The following GALNT10 variants were observed in gnomAD, a reference collection of about 807,000 sequenced individuals.
GALNT10 encodes the protein GalNAc transferase 10.
A neutral mutation model predicts 75.0 loss-of-function variants in GALNT10; 41 were observed. That is an observed-to-expected ratio of 0.55 (90% CI 0.43 to 0.71). The LOEUF is 0.71. GALNT10 is among the 30% of genes least tolerant of loss of function. The pLI, the probability that GALNT10 is intolerant of heterozygous loss-of-function variation, is 0.00. For synonymous variants in GALNT10, 302 were observed against 313.0 expected, an observed-to-expected ratio of 0.96 and a Z score of 0.37; for missense variants, 727 against 818.5, an observed-to-expected ratio of 0.89 and a Z score of 1.36.
Position 154,417,154 on chromosome 5 carries a change from G to T in GALNT10, c.*182G>T. On this transcript the variant is annotated 3_prime_UTR_variant, in exon 12 of 12. Transcript: ENST00000297107. ...CTGGTCCTTGAGCCCCTGAGTTGTG[G>T]GGGTAGGGTGAAGAGCATATCCCAC... 1.7e-6 allele frequency: 1 copy of T among 602,734 alleles called. No homozygotes were observed. The highest frequency in any genetic ancestry group is 2.9e-6 in the Non-Finnish European group (1 of 339,906). The allele number at this position is 602,734 out of a possible 1,614,324, so 37.3% of individuals were successfully genotyped here.
chr5:154,381,762 G>A (rs1440281405), intron 6 of GALNT10, among the ~76,000 whole-genome samples: 3 of 152,308 alleles, frequency 2.0e-5, no homozygotes, highest in East Asian at 3.9e-4. Flanking sequence ...AAGCCAGAAG[G>A]ATAGAATCTT....
chr5:154,321,071 T>C (rs1385489839), intron 3 of GALNT10, among the ~76,000 whole-genome samples: 1 of 152,212 alleles, frequency 6.6e-6, no homozygotes, highest in Non-Finnish European at 1.5e-5. Flanking sequence ...GAAAGAATTA[T>C]ACAGCGAACA....
In GALNT10 at chr5:154,341,523, A is replaced by G. The variant is rs1036631055; in HGVS notation, c.568+11785A>G. On this transcript the variant is annotated intron_variant, in intron 4 of 11. Coordinates refer to ENST00000297107, the MANE Select transcript of GALNT10 (RefSeq NM_198321.4). ...TCTCAGAAATTGTCTTTTTTTTCCT[A>G]TATGCTGTCAGAACATATGGTTTAG... 6.6e-5 allele frequency among the ~76,000 whole-genome samples: 10 copies of G among 152,032 alleles called. 1 individual carries two copies. The highest frequency in any genetic ancestry group is 2.0e-4 in the Admixed American group (3 of 15,262).
chr5:154,273,783 C>T (rs1368453320), intron 1 of GALNT10, among the ~76,000 whole-genome samples: 3 of 152,190 alleles, frequency 2.0e-5, no homozygotes, highest in South Asian at 2.1e-4. Context: ...TTAAAAATGC[C>T]GTGAAGGAGT....
intron 3 of GALNT10, among the ~76,000 whole-genome samples, chr5:154,303,126 C>A (rs186797906): frequency 6.6e-6 from 1 of 152,164 alleles, no homozygotes; most frequent in African/African-American, 2.4e-5. Context: ...AAAAAAAAGG[C>A]CAGGCAAAAT....
intron 1 of GALNT10, among the ~76,000 whole-genome samples, chr5:154,251,942 G>T (rs187931422): frequency 3.8e-5 from 4 of 106,316 alleles, no homozygotes; most frequent in African/African-American, 1.2e-4. Context: ...AAAATACCCT[G>T]TGAGTTCATA....
intron 1 of GALNT10, among the ~76,000 whole-genome samples, chr5:154,222,783 A>G (rs1753004155): frequency 6.6e-6 from 1 of 152,132 alleles, no homozygotes; most frequent in African/African-American, 2.4e-5. Flanking sequence ...ATCTTTTGCC[A>G]TTTTTTAATT....
chr5:154,397,438 CT>C (rs1311378999), intron 7 of GALNT10, among the ~76,000 whole-genome samples: 1 of 152,184 alleles, frequency 6.6e-6, no homozygotes, highest in East Asian at 1.9e-4. Flanking sequence ...CTCTGAGCTT[CT>C]ACATTACCTC....
chr5:154,256,343 TGTTG>T lies in GALNT10; in HGVS notation c.160-38472_160-38469del, dbSNP rs765761943. The stretch of plus-strand genomic sequence containing the variant: ...ACTTTCTGGATTTTTAAACAGAGGC[TGTTG>T]TTTTTGTTTTTTTTTTTTTAATATT... On this transcript the variant is annotated intron_variant, in intron 1 of 11. Coordinates refer to ENST00000297107, the MANE Select transcript of GALNT10 (RefSeq NM_198321.4). 2.2e-4 allele frequency among the ~76,000 whole-genome samples: 18 copies of T among 80,252 alleles called. No individual in the cohort carries two copies. In the East Asian group the frequency reaches 0.013, roughly 59 times the overall value. The allele number at this position is 80,252 out of a possible 152,430, so 52.6% of individuals were successfully genotyped here. A position where few individuals can be genotyped will look rare whatever the true frequency, so the allele number is the denominator to read the frequency against.
intron 1 of GALNT10, among the ~76,000 whole-genome samples, chr5:154,270,124 C>A (rs1302277467): frequency 6.6e-6 from 1 of 151,858 alleles, no homozygotes; most frequent in African/African-American, 2.4e-5. Flanking sequence ...TGTGACTATA[C>A]TTGATAAATG....
At chr5:154,293,140 A>T (rs1271785313) in intron 1 of GALNT10, among the ~76,000 whole-genome samples, 1 of 152,222 alleles carries the variant, frequency 6.6e-6, no homozygotes, top group African/African-American at 2.4e-5. Context: ...TAACACAGGG[A>T]TCAGCCAGAG....
chr5:154,287,913 TGA>T (rs10617417), intron 1 of GALNT10, among the ~76,000 whole-genome samples: 26,282 of 147,568 alleles, frequency 0.18, 2,419 homozygotes, highest in African/African-American at 0.22. Context: ...TGTGTGTGTG[TGA>T]GAGAGAGAGA....
rs944054513 is a variant in GALNT10, at chr5:154,218,185, T to G, written c.159+27160T>G. 6.2e-6 allele frequency: 6 copies of G among 962,504 alleles called. No individual in the cohort carries two copies. In the African/African-American group the frequency reaches 1.1e-4, roughly 17 times the overall value. 59.6% of individuals were successfully genotyped at this position (962,504 alleles called of 1,614,324 possible). A position where few individuals can be genotyped will look rare whatever the true frequency, so the allele number is the denominator to read the frequency against. Reference sequence around the variant, plus strand: ...CATTTTCTAACAAGCCTGGGGCACCTCCTCCCTCCCCACCTCATGGGTCCC... The same window carrying G: ...CATTTTCTAACAAGCCTGGGGCACCGCCTCCCTCCCCACCTCATGGGTCCC... On this transcript the variant is annotated intron_variant, in intron 1 of 11. Transcript: ENST00000297107.
In GALNT10 at chr5:154,226,099, A is replaced by T. The variant is rs13170392; in HGVS notation, c.159+35074A>T. 2.0e-5 allele frequency among the ~76,000 whole-genome samples: 3 copies of T among 151,732 alleles called. No homozygotes were observed. The East Asian group carries it at 5.9e-4, about 30-fold the overall frequency. On this transcript the variant is annotated intron_variant, in intron 1 of 11. Coordinates refer to ENST00000297107, the MANE Select transcript of GALNT10 (RefSeq NM_198321.4). ...GTATATATATGTAACAGACCTGCGT[A>T]TTGTGCACATGTACCATAAAACTTA...
chr5:154,301,355 T>C (rs1289273271), intron 3 of GALNT10, among the ~76,000 whole-genome samples: 1 of 152,164 alleles, frequency 6.6e-6, no homozygotes, highest in Non-Finnish European at 1.5e-5. Flanking sequence ...TTTTTATAAC[T>C]ACCACTGATC....
At chr5:154,211,347 C>T (rs570014899) in intron 1 of GALNT10, among the ~76,000 whole-genome samples, 2 of 152,304 alleles carry the variant, frequency 1.3e-5, no homozygotes, top group South Asian at 4.1e-4. Flanking sequence ...ACACTTTCCC[C>T]TCTCTTTTTC....
chr5:154,355,247 TC>T (rs545079097), intron 4 of GALNT10, among the ~76,000 whole-genome samples: 53 of 152,096 alleles, frequency 3.5e-4, no homozygotes, highest in Middle Eastern at 3.4e-3. Context: ...TTCCTGCTCC[TC>T]CCCCCTCACC....
intron 1 of GALNT10, among the ~76,000 whole-genome samples, chr5:154,219,187 G>A (rs1221896303): frequency 6.6e-6 from 1 of 152,152 alleles, no homozygotes; most frequent in East Asian, 1.9e-4. Context: ...TGCTCTACCT[G>A]GGTCCCCAGG....
At chr5:154,229,944 G>A (rs1405648164) in intron 1 of GALNT10, among the ~76,000 whole-genome samples, 2 of 152,208 alleles carry the variant, frequency 1.3e-5, no homozygotes, top group East Asian at 3.8e-4. Context: ...CATCTGTGGA[G>A]CCCCTACTCT....
Sources: allele counts gnomAD v4.1 joint callset (sites outside exome capture counted in the v4.1 genomes callset), GRCh38; gene constraint gnomAD v4.1.1; transcripts MANE v1.5; gene names NCBI Gene and HGNC (gene_info 2026-07-23, HGNC 2026-07-21).